Variants in SRPK2 observed in about 807,000 individuals in gnomAD.
SRPK2 encodes the protein SFRS protein kinase 2.
SRPK2 carries 21 observed loss-of-function variants against 90.8 expected under a neutral mutation model. That is an observed-to-expected ratio of 0.23 (90% CI 0.16 to 0.33). The LOEUF is 0.33. Ranked by LOEUF, SRPK2 falls within the 10% of genes least tolerant of loss-of-function variation. SRPK2 has a pLI of 1.00. For synonymous variants in SRPK2, 288 were observed against 311.1 expected (o/e 0.93, Z 0.78); for missense variants, 620 against 869.0 (o/e 0.71, Z 3.60).
intron 2 of SRPK2, chr7:105,244,691 G>A: frequency 3.5e-6 from 4 of 1,145,724 alleles, no homozygotes; most frequent in East Asian, 2.5e-5. Flanking sequence ...CCTCAACAAG[G>A]GCCAAAAGGT....
intron 14 of SRPK2, 26 bp downstream of exon 14, chr7:105,126,967 G>A (rs1370419595): frequency 1.9e-6 from 3 of 1,611,184 alleles, no homozygotes; most frequent in Non-Finnish European, 2.5e-6. Flanking sequence ...CCTAGACCGA[G>A]GTATTCAGCA....
At chr7:105,395,467 T>C (rs969239357) in intron 1 of SRPK2, among the ~76,000 whole-genome samples, 1 of 150,158 alleles carries the variant, frequency 6.7e-6, no homozygotes, top group South Asian at 2.1e-4. Context: ...CAGTGGCTCA[T>C]GCCTGTAATC....
In SRPK2 at chr7:105,269,523, G is replaced by A. The variant is rs1415232199; in HGVS notation, c.72-65738C>T. Among the ~76,000 whole-genome samples the A allele has an allele frequency of 2.0e-5, 3 of 152,138 alleles. No homozygotes were observed. The East Asian group carries it at 5.8e-4, about 29-fold the overall frequency. On this transcript the variant is annotated intron_variant, in intron 2 of 15. Transcript: ENST00000393651. ...CCTCCTCCTTAGCAGTACAGTACAA[G>A]TGAACAGCAACACCCATTTACCGAG...
chr7:105,176,717 G>A (rs1791970927), intron 3 of SRPK2, among the ~76,000 whole-genome samples: 1 of 113,300 alleles, frequency 8.8e-6, no homozygotes, highest in Non-Finnish European at 1.9e-5. Flanking sequence ...GTATGTGTGT[G>A]TGTGTGTGTA....
chr7:105,217,819 A>G (rs998723516), intron 2 of SRPK2, among the ~76,000 whole-genome samples: 4 of 152,222 alleles, frequency 2.6e-5, no homozygotes, highest in Non-Finnish European at 2.9e-5. Context: ...AGAGCATAAA[A>G]CAAGGCAGAA....
intron 2 of SRPK2, among the ~76,000 whole-genome samples, chr7:105,256,941 T>G (rs1215097364): frequency 6.6e-6 from 1 of 152,220 alleles, no homozygotes; most frequent in Non-Finnish European, 1.5e-5. Flanking sequence ...GTGCAATTAT[T>G]AGTTATGTGC....
intron 13 of SRPK2, among the ~76,000 whole-genome samples, chr7:105,132,165 G>A (rs1802096967): frequency 1.3e-5 from 2 of 152,230 alleles, no homozygotes; most frequent in African/African-American, 4.8e-5. Flanking sequence ...CAACCACTCT[G>A]GGAACAGACT....
intron 2 of SRPK2, chr7:105,204,585 A>C: frequency 2.0e-6 from 1 of 508,164 alleles, no homozygotes; most frequent in Admixed American, 2.5e-5. Flanking sequence ...CTACCACTGA[A>C]TGCGTGCGCT....
chr7:105,149,434 C>A lies in SRPK2; in HGVS notation c.622-2776G>T, dbSNP rs573292665. ...TTGCTGACCTTCTCCTTATTATCAC[C>A]CTGCCCTCCTACTACATTCCTTTTT... On this transcript the variant is annotated intron_variant, in intron 7 of 15. Transcript: ENST00000393651. Among the ~76,000 whole-genome samples, 4 of 152,118 alleles carry A rather than the reference C, an allele frequency of 2.6e-5. No individual in the cohort carries two copies. The South Asian group carries it at 8.3e-4, about 32-fold the overall frequency.
At chr7:105,396,747 G>A (rs1185919695) in intron 1 of SRPK2, among the ~76,000 whole-genome samples, 1 of 148,430 alleles carries the variant, frequency 6.7e-6, no homozygotes, top group Admixed American at 6.8e-5. Context: ...AGGAGGAGGA[G>A]GAGAGGAGAG....
intron 2 of SRPK2, among the ~76,000 whole-genome samples, chr7:105,379,762 A>C (rs1191424269): frequency 6.6e-6 from 1 of 152,182 alleles, no homozygotes; most frequent in Non-Finnish European, 1.5e-5. Context: ...GCAGATCACA[A>C]GGTCAGGAGA....
At chr7:105,218,546 C>T (rs1043515326) in intron 2 of SRPK2, among the ~76,000 whole-genome samples, 2 of 152,020 alleles carry the variant, frequency 1.3e-5, no homozygotes, top group Admixed American at 6.6e-5. Flanking sequence ...TACAAATAGA[C>T]GTAGGTAAAG....
At chr7:105,208,446 A>G (rs929518172) in intron 2 of SRPK2, among the ~76,000 whole-genome samples, 1 of 152,226 alleles carries the variant, frequency 6.6e-6, no homozygotes, top group Non-Finnish European at 1.5e-5. Context: ...AATGTTATTC[A>G]CTAACAAAGA....
upstream of SRPK2, among the ~76,000 whole-genome samples, chr7:105,392,665 C>T (rs942958123): frequency 6.6e-6 from 1 of 151,844 alleles, no homozygotes; most frequent in Non-Finnish European, 1.5e-5. Context: ...AGACGCACAC[C>T]ATTTGTATTT....
intron 2 of SRPK2, among the ~76,000 whole-genome samples, chr7:105,216,271 C>A (rs1022618697): frequency 6.6e-6 from 1 of 152,030 alleles, no homozygotes; most frequent in African/African-American, 2.4e-5. Context: ...TAAAAAGATG[C>A]AGAGCACTGT....
At chr7:105,115,544 CAG>C (rs1161531684), downstream of SRPK2, 1 of 152,182 alleles carries the variant, frequency 6.6e-6, no homozygotes, top group African/African-American at 2.4e-5. Context: ...CAATTGAAGT[CAG>C]AGAGCTAGTT....
intron 2 of SRPK2, among the ~76,000 whole-genome samples, chr7:105,347,226 G>A (rs977093333): frequency 6.6e-6 from 1 of 151,882 alleles, no homozygotes; most frequent in African/African-American, 2.4e-5. Context: ...ACCGCGCCCG[G>A]CTAATTATTT....
intron 2 of SRPK2, among the ~76,000 whole-genome samples, chr7:105,209,380 CA>C (rs1455700481): frequency 2.0e-5 from 3 of 151,996 alleles, no homozygotes; most frequent in Non-Finnish European, 4.4e-5. Context: ...GCAATACCCA[CA>C]AAAACTACAA....
intron 2 of SRPK2, among the ~76,000 whole-genome samples, chr7:105,205,515 TCTCA>T (rs1490183951): frequency 3.9e-3 from 438 of 111,804 alleles, no homozygotes; most frequent in Admixed American, 6.3e-3. Context: ...TCTCTCTCTC[TCTCA>T]CACACACACA....
Sources: allele counts gnomAD v4.1 joint callset (sites outside exome capture counted in the v4.1 genomes callset), GRCh38; gene constraint gnomAD v4.1.1; transcripts MANE v1.5; gene names NCBI Gene and HGNC (gene_info 2026-07-23, HGNC 2026-07-21).